Variants in AZI2 observed in about 807,000 individuals in gnomAD.
AZI2 encodes 5-azacytidine induced 2.
AZI2 carries 22 observed loss-of-function variants against 45.8 expected under a neutral mutation model. The observed-to-expected ratio is 0.48, with a 90% CI of 0.34 to 0.69. The LOEUF (loss-of-function observed/expected upper bound fraction) is 0.69, where lower values mean the gene tolerates loss of function less well. AZI2 is among the 30% of genes least tolerant of loss of function. The pLI, the probability that AZI2 is intolerant of heterozygous loss-of-function variation, is 0.01. For missense variants in AZI2, 417 were observed against 441.5 expected, an observed-to-expected ratio of 0.94 and a Z score of 0.50; for synonymous variants, 137 against 156.7, an observed-to-expected ratio of 0.87 and a Z score of 0.94.
At chr3:28,333,300 A>G (rs189358494) in intron 5 of AZI2, among the ~76,000 whole-genome samples, 261 of 151,784 alleles carry the variant, frequency 1.7e-3, no homozygotes, top group African/African-American at 6.1e-3. Context: ...AGGAGTTAAA[A>G]CATTTCTGGA....
intron 1 of AZI2, among the ~76,000 whole-genome samples, chr3:28,346,765 A>G (rs529611939): frequency 3.9e-5 from 6 of 152,310 alleles, no homozygotes; most frequent in African/African-American, 1.2e-4. Context: ...CCCCTTTCTC[A>G]ATTTGTAAAA....
At chr3:28,348,081 T>C (rs1704331585) in intron 1 of AZI2, 1 of 152,186 alleles carries the variant, frequency 6.6e-6, no homozygotes, top group Non-Finnish European at 1.5e-5. Flanking sequence ...ACCTTGCACG[T>C]AGTAGTAGTT....
chr3:28,324,360 AG>A lies in AZI2; in HGVS notation c.860del (p.Pro287LeufsTer21). On this transcript the variant is annotated frameshift_variant, in exon 8 of 8. Coordinates refer to ENST00000479665, the MANE Select transcript of AZI2 (RefSeq NM_022461.5). LOFTEE classifies it high-confidence loss of function. The part of the protein sequence containing the change: ...NFTATYTRHP[P>X]LLPNGKALCH... The stretch of plus-strand genomic sequence containing the variant: ...AAAGAGCTTTGCCATTTGGTAAGAG[AG>A]GGGGATGTCTTGTGTATGTTGCAGT... The A allele has an allele frequency of 6.3e-7, 1 of 1,594,624 alleles. No homozygotes were observed. Among genetic ancestry groups the A allele is most frequent in the Non-Finnish European group, 8.5e-7 (1 of 1,169,712 alleles).
chr3:28,348,747 G>A lies in AZI2; in HGVS notation c.-152C>T, dbSNP rs1467153151. ...AAGACACCGCCGCTTCCACAGCGAAGGGAGCTGCTCCGGGCACGTCGCGGA... is the reference window on the plus strand; with the variant it reads ...AAGACACCGCCGCTTCCACAGCGAAAGGAGCTGCTCCGGGCACGTCGCGGA... On this transcript the variant is annotated 5_prime_UTR_variant, in exon 1 of 8. Coordinates refer to ENST00000479665, the MANE Select transcript of AZI2 (RefSeq NM_022461.5). 1 of 164,154 alleles carries A rather than the reference G, an allele frequency of 6.1e-6. No individual in the cohort carries two copies. The highest frequency in any genetic ancestry group is 2.0e-4 in the South Asian group (1 of 5,068). The allele number at this position is 164,154 out of a possible 1,614,324, so 10.2% of individuals were successfully genotyped here.
At chr3:28,330,319 G>A (rs770684612) in intron 6 of AZI2, among the ~76,000 whole-genome samples, 2 of 151,226 alleles carry the variant, frequency 1.3e-5, no homozygotes, top group Non-Finnish European at 3.0e-5. Context: ...CATTTGCCTA[G>A]CAATATGATG....
Position 28,336,895 on chromosome 3 carries a change from G to C in AZI2, c.440-10C>G, listed in dbSNP as rs1194471843. On this transcript the variant is annotated splice_polypyrimidine_tract_variant and intron_variant, in intron 4 of 7. Coordinates refer to ENST00000479665, the MANE Select transcript of AZI2 (RefSeq NM_022461.5). ...TTTAAATTCCTCATCACTACAAAAAGGATGGACACTGAAATTGTTATCTTT... is the reference window on the plus strand; with the variant it reads ...TTTAAATTCCTCATCACTACAAAAACGATGGACACTGAAATTGTTATCTTT... 2 of 1,610,208 alleles carry C rather than the reference G, an allele frequency of 1.2e-6. No homozygotes were observed. The highest frequency in any genetic ancestry group is 1.3e-5 in the African/African-American group (1 of 74,778).
chr3:28,336,938 C>G (rs1270352709), intron 4 of AZI2, 53 bp from the exon 5 acceptor site: 1 of 1,551,550 alleles, frequency 6.4e-7, no homozygotes, highest in East Asian at 2.3e-5. Context: ...ACATTGACTG[C>G]AATTCTTAAA....
At chr3:28,338,741 GT>G in intron 2 of AZI2, 126 bp from the exon 3 acceptor site, 1 of 830,220 alleles carries the variant, frequency 1.2e-6, no homozygotes, top group Non-Finnish European at 1.7e-6. Context: ...GATTCATTAG[GT>G]GAGTATTTCA....
At chr3:28,342,599 GCTA>G (rs753773387) in intron 1 of AZI2, among the ~76,000 whole-genome samples, 22 of 151,946 alleles carry the variant, frequency 1.4e-4, no homozygotes, top group Non-Finnish European at 2.9e-4. Flanking sequence ...TTCCAGTCAT[GCTA>G]CTGCTAGCTG....
In AZI2 at chr3:28,340,374, C is replaced by A. The variant is rs762726480; in HGVS notation, c.216+28G>T. The A allele has an allele frequency of 4.3e-6, 6 of 1,396,118 alleles. No homozygotes were observed. The South Asian group carries it at 6.2e-5, about 14-fold the overall frequency. The allele number at this position is 1,396,118 out of a possible 1,614,324, so 86.5% of individuals were successfully genotyped here. On this transcript the variant is annotated intron_variant, in intron 2 of 7. Transcript: ENST00000479665. Reference sequence around the variant, plus strand: ...TTTGAATTATTCCTTATGTCACAAACGCAATGAAGGTAAAAGATAAAAATT... The same window carrying A: ...TTTGAATTATTCCTTATGTCACAAAAGCAATGAAGGTAAAAGATAAAAATT...
rs75035657 is a variant in AZI2 at position 28,324,619 on chromosome 3, T to G, written c.767-165A>C. On this transcript the variant is annotated intron_variant, in intron 7 of 7. Coordinates refer to ENST00000479665, the MANE Select transcript of AZI2 (RefSeq NM_022461.5). ...ACTAGGAGATAAATGACAGATGATC[T>G]GAGTTTTAATCCTGGATCAGCAATT... 2.7e-3 allele frequency: 1,451 copies of G among 536,656 alleles called. 14 individuals carry two copies. In the East Asian group the frequency reaches 0.027, roughly 10 times the overall value. The allele number at this position is 536,656 out of a possible 1,614,324, so 33.2% of individuals were successfully genotyped here.
At position 28,336,621 on chromosome 3, in the gene AZI2, TTC is replaced by T. The variant is rs1181458642; in HGVS notation, c.588+114_588+115del. The T allele has an allele frequency of 2.5e-5, 29 of 1,152,336 alleles. No homozygotes were observed. The African/African-American group carries it at 4.6e-4, about 18-fold the overall frequency. The allele number at this position is 1,152,336 out of a possible 1,614,324, so 71.4% of individuals were successfully genotyped here. On this transcript the variant is annotated intron_variant, in intron 5 of 7. Transcript: ENST00000479665. ...CAAGAATTTTTTAAGGAATAGAACA[TTC>T]TCTAAATAATTACAATTTATTTTAA...
rs1395349821 is a variant in AZI2 at position 28,332,379 on chromosome 3, T to G, written c.637A>C (p.Ser213Arg). ...NLKSRDLQKL[S>R]ISSDNMQHAY... ...GAAGAGTGGTCATACCTTGAAATGC[T>G]TAGTTTTTGGAGATCTCTGCTCTTC... The change falls in exon 6 of 8, where the codon AGC (serine) becomes CGC (arginine). Residue 213 changes from serine to arginine, a missense_variant. By Grantham distance (110) the Ser-to-Arg change is moderately radical (BLOSUM62 -1). Coordinates refer to ENST00000479665, the MANE Select transcript of AZI2 (RefSeq NM_022461.5). 1 of 1,607,456 alleles carries G rather than the reference T, an allele frequency of 6.2e-7. No homozygotes were observed. Among genetic ancestry groups the G allele is most frequent in the African/African-American group, 1.3e-5 (1 of 74,728 alleles).
At position 28,321,201 on chromosome 3, in the gene AZI2, G is replaced by T. The variant is rs1577114352; in HGVS notation, c.*2841C>A. On this transcript the variant is annotated 3_prime_UTR_variant, in exon 8 of 8. Transcript: ENST00000479665. ...AAATCTAGAGACCACACAGCATAGG[G>T]GCAAACATGCCCATATTTCCACATT... 6.6e-6 allele frequency: 1 copy of T among 151,316 alleles called. No individual in the cohort carries two copies. The highest frequency in any genetic ancestry group is 2.1e-4 in the South Asian group (1 of 4,822). 9.4% of individuals were successfully genotyped at this position (151,316 alleles called of 1,614,324 possible). A position where few individuals can be genotyped will look rare whatever the true frequency, so the allele number is the denominator to read the frequency against.
At chr3:28,327,949 G>GT (rs1230751413) in intron 6 of AZI2, among the ~76,000 whole-genome samples, 1 of 150,212 alleles carries the variant, frequency 6.7e-6, no homozygotes, top group Non-Finnish European at 1.5e-5. Context: ...CAATTTTTGT[G>GT]TTGCCATAAA....
chr3:28,339,131 C>T (rs1392981884), intron 2 of AZI2, among the ~76,000 whole-genome samples: 2 of 151,950 alleles, frequency 1.3e-5, no homozygotes, highest in Admixed American at 6.6e-5. Flanking sequence ...AGGTGCACCA[C>T]CACGCCCTGC....
intron 2 of AZI2, 126 bp from the exon 3 acceptor site, chr3:28,338,741 G>C: frequency 1.2e-6 from 1 of 830,220 alleles, no homozygotes; most frequent in Non-Finnish European, 1.7e-6. Context: ...GATTCATTAG[G>C]TGAGTATTTC....
At position 28,324,465 on chromosome 3, in the gene AZI2, AAC is replaced by A. The variant is rs1477217156; in HGVS notation, c.767-13_767-12del. 6.9e-7 allele frequency: 1 copy of A among 1,451,612 alleles called. No individual in the cohort carries two copies. The highest frequency in any genetic ancestry group is 2.3e-5 in the East Asian group (1 of 43,282). The allele number at this position is 1,451,612 out of a possible 1,614,324, so 89.9% of individuals were successfully genotyped here. On this transcript the variant is annotated splice_polypyrimidine_tract_variant and intron_variant, in intron 7 of 7. Coordinates refer to ENST00000479665, the MANE Select transcript of AZI2 (RefSeq NM_022461.5). Reference sequence around the variant, plus strand: ...CTACAGGGGCACAGGCTAAAAAGAAAACACAGACTAAATGTCAGTTTTCATTA... The same window carrying A: ...CTACAGGGGCACAGGCTAAAAAGAAAACAGACTAAATGTCAGTTTTCATTA...
At chr3:28,329,799 T>G (rs1471726506) in intron 6 of AZI2, among the ~76,000 whole-genome samples, 1 of 151,256 alleles carries the variant, frequency 6.6e-6, no homozygotes, top group Non-Finnish European at 1.5e-5. Flanking sequence ...CTCTCATTTT[T>G]TATTGCAAGG....
Sources: allele counts gnomAD v4.1 joint callset (sites outside exome capture counted in the v4.1 genomes callset), GRCh38; gene constraint gnomAD v4.1.1; transcripts MANE v1.5; gene names NCBI Gene and HGNC (gene_info 2026-07-23, HGNC 2026-07-21).